Variants in GPC6 observed in about 807,000 individuals in gnomAD.
GPC6 encodes glypican-6.
GPC6 carries 14 observed loss-of-function variants against 55.2 expected under a neutral mutation model. The ratio of observed to expected loss-of-function variants is 0.25; its 90% confidence interval spans 0.17 to 0.40. GPC6 has a LOEUF of 0.40. Ranked by LOEUF, GPC6 falls within the 10% of genes least tolerant of loss-of-function variation. The pLI, the probability that GPC6 is intolerant of heterozygous loss-of-function variation, is 1.00. For synonymous variants in GPC6, 278 were observed against 259.6 expected (o/e 1.07, Z -0.68); for missense variants, 641 against 708.5 (o/e 0.90, Z 1.08).
chr13:93,353,140 A>G (rs567204653), intron 1 of GPC6, among the ~76,000 whole-genome samples: 93 of 152,256 alleles, frequency 6.1e-4, no homozygotes, highest in South Asian at 1.7e-3. Flanking sequence ...GGTGCTTTTT[A>G]CTACCAAAGA....
At chr13:94,358,076 C>T (rs1203814394) in intron 6 of GPC6, among the ~76,000 whole-genome samples, 1 of 151,996 alleles carries the variant, frequency 6.6e-6, no homozygotes, top group Non-Finnish European at 1.5e-5. Context: ...AATTACCTGA[C>T]ATCAGGAGTT....
chr13:93,302,547 T>C (rs1878718024), intron 1 of GPC6, among the ~76,000 whole-genome samples: 1 of 152,198 alleles, frequency 6.6e-6, no homozygotes, highest in East Asian at 1.9e-4. Context: ...ATTTGATATT[T>C]ATAGGGCTGA....
At chr13:93,496,846 A>G (rs1302282352) in intron 1 of GPC6, among the ~76,000 whole-genome samples, 6 of 152,256 alleles carry the variant, frequency 3.9e-5, no homozygotes, top group African/African-American at 1.4e-4. Context: ...CCTGACACAG[A>G]GGACTTATTT....
chr13:94,391,342 T>C (rs1883250677), intron 7 of GPC6, among the ~76,000 whole-genome samples: 1 of 152,202 alleles, frequency 6.6e-6, no homozygotes, highest in Admixed American at 6.5e-5. Flanking sequence ...ATAAAGTAGC[T>C]AAATGACTTG....
At chr13:93,517,924 C>G (rs1424473304) in intron 1 of GPC6, among the ~76,000 whole-genome samples, 1 of 151,766 alleles carries the variant, frequency 6.6e-6, no homozygotes, top group Admixed American at 6.6e-5. Context: ...CAGCAAATCT[C>G]TCTTCTAATT....
intron 2 of GPC6, among the ~76,000 whole-genome samples, chr13:93,726,918 T>C (rs867089563): frequency 3.3e-5 from 5 of 152,142 alleles, no homozygotes; most frequent in Admixed American, 6.6e-5. Flanking sequence ...CCTGAAATTA[T>C]TTTCTTGCAG....
At chr13:93,342,575 A>G (rs1339619398) in intron 1 of GPC6, among the ~76,000 whole-genome samples, 1 of 152,210 alleles carries the variant, frequency 6.6e-6, no homozygotes, top group Non-Finnish European at 1.5e-5. Context: ...GCTACCATTC[A>G]AGATGAGACT....
intron 2 of GPC6, among the ~76,000 whole-genome samples, chr13:93,653,610 G>GTA (rs1356414590): frequency 6.5e-4 from 82 of 125,668 alleles, no homozygotes; most frequent in Middle Eastern, 8.9e-3. Context: ...GTGTGTGTGT[G>GTA]TGTACATATA....
chr13:94,116,068 A>T (rs987040534), intron 4 of GPC6, among the ~76,000 whole-genome samples: 2 of 152,144 alleles, frequency 1.3e-5, no homozygotes, highest in African/African-American at 4.8e-5. Flanking sequence ...ATAAATAATA[A>T]GTATCAGCAT....
intron 3 of GPC6, among the ~76,000 whole-genome samples, chr13:93,867,224 G>A (rs1422591343): frequency 1.3e-5 from 2 of 151,706 alleles, no homozygotes; most frequent in Non-Finnish European, 2.9e-5. Context: ...ATGTGTTACA[G>A]TTTGTTCTAG....
At chr13:94,340,479 C>A (rs1462761350) in intron 6 of GPC6, among the ~76,000 whole-genome samples, 2 of 152,316 alleles carry the variant, frequency 1.3e-5, no homozygotes, top group East Asian at 3.9e-4. Context: ...CTGGAGGCAT[C>A]ACACAATTAT....
intron 2 of GPC6, among the ~76,000 whole-genome samples, chr13:93,733,801 G>A (rs536105865): frequency 1.0e-3 from 158 of 152,280 alleles, no homozygotes; most frequent in African/African-American, 3.8e-3. Context: ...ACTCAGTTAC[G>A]TGGCATTGAG....
chr13:93,235,693 A>G (rs937937653), intron 1 of GPC6, among the ~76,000 whole-genome samples: 1 of 152,212 alleles, frequency 6.6e-6, no homozygotes, highest in African/African-American at 2.4e-5. Context: ...AATTCCAATA[A>G]AAGAGTTTAG....
chr13:94,348,109 C>T (rs1236739245), intron 6 of GPC6, among the ~76,000 whole-genome samples: 1 of 152,208 alleles, frequency 6.6e-6, no homozygotes, highest in African/African-American at 2.4e-5. Context: ...CCCTGCCCGA[C>T]TGGTTGGTTG....
chr13:93,504,189 A>G (rs1228701754), intron 1 of GPC6, among the ~76,000 whole-genome samples: 1 of 152,154 alleles, frequency 6.6e-6, no homozygotes, highest in African/African-American at 2.4e-5. Context: ...TGTTAGATTA[A>G]AATTAAAGAT....
chr13:93,506,675 G>A (rs1203235996), intron 1 of GPC6, among the ~76,000 whole-genome samples: 1 of 151,936 alleles, frequency 6.6e-6, no homozygotes, highest in African/African-American at 2.4e-5. Flanking sequence ...TTATAAGCAT[G>A]GTGGTTTCTA....
intron 2 of GPC6, among the ~76,000 whole-genome samples, chr13:93,728,990 G>A (rs1566506951): frequency 6.6e-6 from 1 of 152,194 alleles, no homozygotes; most frequent in Non-Finnish European, 1.5e-5. Context: ...ATGAATAGAT[G>A]TAAGTATAGC....
chr13:94,277,420 A>G (rs1160416782), intron 4 of GPC6, among the ~76,000 whole-genome samples: 1 of 151,964 alleles, frequency 6.6e-6, no homozygotes, highest in African/African-American at 2.4e-5. Flanking sequence ...GCTGTGCAGA[A>G]GCTCTTTACT....
At chr13:93,936,467 T>C (rs1172332460) in intron 3 of GPC6, among the ~76,000 whole-genome samples, 1 of 152,096 alleles carries the variant, frequency 6.6e-6, no homozygotes, top group East Asian at 1.9e-4. Context: ...ATATATTACT[T>C]TATTATTGAA....
Sources: allele counts gnomAD v4.1 joint callset (sites outside exome capture counted in the v4.1 genomes callset), GRCh38; gene constraint gnomAD v4.1.1; transcripts MANE v1.5; gene names NCBI Gene and HGNC (gene_info 2026-07-23, HGNC 2026-07-21).